Variants in LYST observed in about 807,000 individuals in gnomAD.
LYST encodes the protein lysosomal trafficking regulator.
A neutral mutation model predicts 413.6 loss-of-function variants in LYST; 192 were observed. The ratio of observed to expected loss-of-function variants is 0.46; its 90% confidence interval spans 0.41 to 0.52. The LOEUF (loss-of-function observed/expected upper bound fraction) is 0.52, where lower values mean the gene tolerates loss of function less well. LYST is among the 20% of genes least tolerant of loss of function. The probability of loss-of-function intolerance (pLI) is 0.00; values close to 1 mark genes in which losing one functional copy is unlikely to be tolerated. For missense variants in LYST, 3,815 were observed against 4,499.9 expected (o/e 0.85, Z 4.35); for synonymous variants, 1,525 against 1,567.3 (o/e 0.97, Z 0.64).
At chr1:235,805,285 C>G (rs1227733829) in intron 6 of LYST, among the ~76,000 whole-genome samples, 1 of 152,122 alleles carries the variant, frequency 6.6e-6, no homozygotes, top group Non-Finnish European at 1.5e-5. Flanking sequence ...AGCTCTGGAG[C>G]CTGAAGTGCC....
rs1163000118 is a variant in LYST at position 235,854,345 on chromosome 1, C to A, written c.-98+12498G>T. 6.6e-6 allele frequency among the ~76,000 whole-genome samples: 1 copy of A among 152,192 alleles called. No individual in the cohort carries two copies. Among genetic ancestry groups the A allele is most frequent in the Admixed American group, 6.5e-5 (1 of 15,280 alleles). On this transcript the variant is annotated intron_variant, in intron 1 of 52. Transcript: ENST00000389793. This position sits in a 1 kb window ranked among gnomAD's most constrained non-coding sequence, Gnocchi z 4.1. Reference sequence around the variant, plus strand: ...AAGTGTCAGGGCCAGGATTCAGACTCATGCAATCCCTTTGTATTCTATATA... The same window carrying A: ...AAGTGTCAGGGCCAGGATTCAGACTAATGCAATCCCTTTGTATTCTATATA...
Position 235,806,556 on chromosome 1 carries a change from A to T in LYST, c.2580T>A (p.His860Gln), listed in dbSNP as rs758009178. ...GAGGAGAATCTGAATAAGCTTGCTGATGATGAAAAGAAGTACCCACATGTA... is the reference window on the plus strand; with the variant it reads ...GAGGAGAATCTGAATAAGCTTGCTGTTGATGAAAAGAAGTACCCACATGTA... The part of the protein sequence containing the change: ...SSVHVGTSFH[H>Q]QQAYSDSPQS... The change falls in exon 6 of 53, where the codon CAT becomes CAA. Residue 860 changes from histidine (H) to glutamine (Q), a missense_variant. Transcript: ENST00000389793. 7 of 1,614,116 alleles carry T rather than the reference A, an allele frequency of 4.3e-6. No individual in the cohort carries two copies. The highest frequency in any genetic ancestry group is 5.9e-6 in the Non-Finnish European group (7 of 1,179,962).
At chr1:235,693,166 AG>A (rs1352683651) in intron 47 of LYST, among the ~76,000 whole-genome samples, 183 bp downstream of exon 47, 3 of 151,998 alleles carry the variant, frequency 2.0e-5, no homozygotes, top group Admixed American at 1.3e-4. Context: ...GAATACAAAA[AG>A]TCAGCTGGGC....
chr1:235,680,411 T>C (rs1247877728), intron 48 of LYST, among the ~76,000 whole-genome samples: 1 of 151,778 alleles, frequency 6.6e-6, no homozygotes, highest in East Asian at 1.9e-4. Flanking sequence ...TGCACTACCA[T>C]GCCCAACTAC....
intron 1 of LYST, among the ~76,000 whole-genome samples, chr1:235,842,076 T>C (rs1297411846): frequency 3.3e-5 from 5 of 152,030 alleles, no homozygotes; most frequent in Non-Finnish European, 2.9e-5. Flanking sequence ...GGTCTAATAA[T>C]AGACAGTGCA....
rs1422950819 is a variant in LYST at position 235,722,601 on chromosome 1, T to TCAGGAGTC, written c.9315+1426_9315+1427insGACTCCTG. 1.7e-4 allele frequency among the ~76,000 whole-genome samples: 26 copies of TCAGGAGTC among 152,314 alleles called. No homozygotes were observed. The East Asian group carries it at 4.2e-3, about 25-fold the overall frequency. On this transcript the variant is annotated intron_variant, in intron 39 of 52. Transcript: ENST00000389793. ...CCCAGGTTCAAGTGATTCTCCTGCC[T>TCAGGAGTC]CAGCCTCCCAAGTAGCTGGGACTAC... is the stretch of plus-strand genomic sequence containing the variant.
chr1:235,713,419 T>C (rs761295933), intron 42 of LYST, among the ~76,000 whole-genome samples: 5 of 152,180 alleles, frequency 3.3e-5, no homozygotes, highest in Non-Finnish European at 7.4e-5. Flanking sequence ...GAGTAGCACA[T>C]TGGGTAGGTT....
At chr1:235,817,144 GA>G (rs1466913409) in intron 3 of LYST, among the ~76,000 whole-genome samples, 8 of 151,590 alleles carry the variant, frequency 5.3e-5, no homozygotes, top group Non-Finnish European at 1.2e-4. Context: ...ACCAATTAGA[GA>G]AATGCAAATC....
intron 1 of LYST, among the ~76,000 whole-genome samples, chr1:235,842,596 G>C (rs1296211541): frequency 1.3e-5 from 2 of 152,176 alleles, no homozygotes; most frequent in Non-Finnish European, 2.9e-5. Flanking sequence ...CTACTCATTT[G>C]CCGAATGAAT....
chr1:235,791,848 C>T lies in LYST; in HGVS notation c.4394G>A (p.Cys1465Tyr). 1 of 1,614,178 alleles carries T rather than the reference C, an allele frequency of 6.2e-7. No homozygotes were observed. Among genetic ancestry groups the T allele is most frequent in the South Asian group, 1.1e-5 (1 of 91,084 alleles). Residue 1465 changes from cysteine (C) to tyrosine (Y), a missense_variant, in exon 12 of 53, where the codon TGC becomes TAC. Physicochemically the swap from Cys to Tyr is radical, Grantham distance 194. This residue lies in a region of LYST where 1,648 missense variants were observed against 1,810.3 expected (regional missense o/e 0.91). Coordinates refer to ENST00000389793, the MANE Select transcript of LYST (RefSeq NM_000081.4). Reference protein sequence around the residue: ...PVHLPLLGQNCWPHLSEGFSV... With the variant: ...PVHLPLLGQNYWPHLSEGFSV... ...GAAACCTTCTGATAGGTGTGGCCAG[C>T]AGTTTTGCCCCAGCAACGGCAGGTG...
chr1:235,702,594 C>T (rs1308043629), intron 45 of LYST, among the ~76,000 whole-genome samples, 153 bp downstream of exon 45: 1 of 152,202 alleles, frequency 6.6e-6, no homozygotes, highest in East Asian at 1.9e-4. Flanking sequence ...ATTTACCTCG[C>T]ACAGGATTCT....
rs1479927083 is a variant in LYST, at chr1:235,744,045, A to T, written c.8085T>A (p.Ser2695=). The stretch of plus-strand genomic sequence containing the variant: ...CTTTCTGAAATGGATTGAAAACAGA[A>T]GACTGTTCATGATGAATATTTTCCT... The part of the protein sequence containing the change: ...ISEENIHHEQ[S]SVFNPFQKEI... The change falls in exon 30 of 53, where the codon TCT becomes TCA. Residue 2695 remains serine, a synonymous_variant. Coordinates refer to ENST00000389793, the MANE Select transcript of LYST (RefSeq NM_000081.4). 6.3e-7 allele frequency: 1 copy of T among 1,578,832 alleles called. No homozygotes were observed. Among genetic ancestry groups the T allele is most frequent in the South Asian group, 1.1e-5 (1 of 90,300 alleles).
rs1263682722 is a variant in LYST at position 235,662,034 on chromosome 1, A to G, written c.*906T>C. 2.0e-5 allele frequency: 3 copies of G among 152,266 alleles called. No homozygotes were observed. The South Asian group carries it at 6.2e-4, about 31-fold the overall frequency. 9.4% of individuals were successfully genotyped at this position (152,266 alleles called of 1,614,324 possible). A position where few individuals can be genotyped will look rare whatever the true frequency, so the allele number is the denominator to read the frequency against. On this transcript the variant is annotated 3_prime_UTR_variant, in exon 53 of 53. Transcript: ENST00000389793. ...TTTTGGGGAAGAAAATTCTTCCTGC[A>G]GATTAGATCAAATGCCTTATTTAGG...
intron 37 of LYST, among the ~76,000 whole-genome samples, chr1:235,728,712 C>T (rs1664109382): frequency 6.6e-6 from 1 of 152,156 alleles, no homozygotes; most frequent in African/African-American, 2.4e-5. Context: ...CCTGCATGCT[C>T]ATCACCCTCG....
chr1:235,881,720 A>G (rs773724077), intron 1 of LYST, among the ~76,000 whole-genome samples: 1 of 152,246 alleles, frequency 6.6e-6, no homozygotes, highest in Non-Finnish European at 1.5e-5. Context: ...GACACATGCT[A>G]CAACATGGAT....
chr1:235,723,788 C>G (rs760193138), intron 39 of LYST, among the ~76,000 whole-genome samples: 3 of 152,074 alleles, frequency 2.0e-5, no homozygotes, highest in African/African-American at 4.8e-5. Context: ...AAAGATGGAC[C>G]CTGCTACAGC....
At chr1:235,827,089 C>G (rs565975931) in intron 3 of LYST, among the ~76,000 whole-genome samples, 1 of 152,068 alleles carries the variant, frequency 6.6e-6, no homozygotes, top group African/African-American at 2.4e-5. Context: ...ATAAGCTGGG[C>G]GCAGTGGCTC....
chr1:235,710,724 A>T (rs1662342539), intron 43 of LYST, among the ~76,000 whole-genome samples: 1 of 152,158 alleles, frequency 6.6e-6, no homozygotes, highest in African/African-American at 2.4e-5. Flanking sequence ...TGCCTCAATG[A>T]ATAGGAAGAA....
chr1:235,801,025 G>C lies in LYST; in HGVS notation c.3785C>G (p.Thr1262Ser). 3.1e-6 allele frequency: 5 copies of C among 1,613,670 alleles called. No individual in the cohort carries two copies. In the South Asian group the frequency reaches 5.5e-5, roughly 18 times the overall value. Residue 1262 changes from threonine to serine, a missense_variant, in exon 9 of 53, where the codon ACT becomes AGT. Thr to Ser is a moderately conservative substitution (Grantham distance 58, BLOSUM62 1). Coordinates refer to ENST00000389793, the MANE Select transcript of LYST (RefSeq NM_000081.4). Reference protein sequence around the residue: ...SSPNDLLENLTQGEIIYPEIC... With the variant: ...SSPNDLLENLSQGEIIYPEIC... ...CTCAGGATAAATTATTTCCCCTTGA[G>C]TGAGGTTTTCGAGTAAGTCATTTGG...
Sources: gnomAD v4.1 joint callset for allele counts (sites outside exome capture counted in the v4.1 genomes callset) on GRCh38, gnomAD v4.1.1 for gene constraint, gnomAD v4.1.1 regional missense constraint, Gnocchi (gnomAD v3.1) non-coding constraint, MANE v1.5 for transcripts, NCBI Gene and HGNC (gene_info 2026-07-23, HGNC 2026-07-21) for gene names.